Variants in RGS7 observed in about 807,000 individuals in gnomAD.
RGS7 encodes the protein regulator of G-protein signaling 7.
RGS7 carries 27 observed loss-of-function variants against 81.1 expected under a neutral mutation model. The observed-to-expected ratio is 0.33, with a 90% CI of 0.25 to 0.46. RGS7 has a LOEUF of 0.46. RGS7 is among the 20% of genes least tolerant of loss of function. The pLI, the probability that RGS7 is intolerant of heterozygous loss-of-function variation, is 1.00. For synonymous variants in RGS7, 208 were observed against 207.7 expected (o/e 1.00, Z -0.01); for missense variants, 396 against 607.4 (o/e 0.65, Z 3.66).
At chr1:241,126,243 G>C (rs905226198) in intron 2 of RGS7, among the ~76,000 whole-genome samples, 2 of 151,894 alleles carry the variant, frequency 1.3e-5, no homozygotes, top group African/African-American at 4.8e-5. Flanking sequence ...TCCGCCTCCC[G>C]GGTTCAAGGA....
intron 2 of RGS7, among the ~76,000 whole-genome samples, chr1:241,284,421 C>A (rs1318446877): frequency 1.3e-5 from 2 of 152,052 alleles, no homozygotes; most frequent in East Asian, 3.9e-4. Context: ...TTCTGGTTCC[C>A]TACCTGGTGT....
chr1:240,850,293 T>G (rs1314141633), intron 9 of RGS7, among the ~76,000 whole-genome samples: 1 of 152,212 alleles, frequency 6.6e-6, no homozygotes, highest in African/African-American at 2.4e-5. Flanking sequence ...CTTTGTATCC[T>G]TGAGTCAGAT....
At chr1:240,999,421 A>G (rs963051192) in intron 3 of RGS7, among the ~76,000 whole-genome samples, 1 of 152,110 alleles carries the variant, frequency 6.6e-6, no homozygotes. Context: ...AAGTTTACGA[A>G]TTGCTTTTGG....
At chr1:240,938,400 C>A (rs76046726) in intron 4 of RGS7, among the ~76,000 whole-genome samples, 2,682 of 152,318 alleles carry the variant, frequency 0.018, 27 homozygotes, top group Non-Finnish European at 0.028. Context: ...CAACATGGAT[C>A]TATCTATATC....
At chr1:240,806,877 G>C (rs1688946448) in intron 14 of RGS7, among the ~76,000 whole-genome samples, 1 of 152,146 alleles carries the variant, frequency 6.6e-6, no homozygotes, top group South Asian at 2.1e-4. Flanking sequence ...AAGAAGCTTT[G>C]CTGGAGTTAA....
At chr1:240,964,525 G>A (rs1681983252) in intron 4 of RGS7, among the ~76,000 whole-genome samples, 1 of 152,158 alleles carries the variant, frequency 6.6e-6, no homozygotes, top group South Asian at 2.1e-4. Context: ...GAGCATTTGT[G>A]AGTTGTAGTG....
intron 14 of RGS7, among the ~76,000 whole-genome samples, chr1:240,811,710 G>GTATCTCCA: frequency 6.6e-6 from 1 of 152,146 alleles, no homozygotes; most frequent in Non-Finnish European, 1.5e-5. Flanking sequence ...ATACAGAGAC[G>GTATCTCCA]GCGTAAAAAT....
intron 9 of RGS7, among the ~76,000 whole-genome samples, chr1:240,831,249 T>A (rs1693785735): frequency 6.6e-6 from 1 of 152,138 alleles, no homozygotes; most frequent in Non-Finnish European, 1.5e-5. Flanking sequence ...CTATGATATC[T>A]AAGTCAACTA....
chr1:241,305,604 A>C (rs960269156), intron 2 of RGS7: 19 of 149,942 alleles, frequency 1.3e-4, no homozygotes, highest in African/African-American at 4.5e-4. Context: ...TGCTTTCCTC[A>C]GGGCGGGGCC....
intron 3 of RGS7, among the ~76,000 whole-genome samples, chr1:240,989,840 T>C (rs1025227691): frequency 1.3e-5 from 2 of 152,118 alleles, no homozygotes; most frequent in Admixed American, 1.3e-4. Flanking sequence ...AAGAAGGAAT[T>C]TGCAAAAAGG....
chr1:241,167,721 T>C (rs1335623822), intron 2 of RGS7, among the ~76,000 whole-genome samples: 1 of 152,052 alleles, frequency 6.6e-6, no homozygotes, highest in Non-Finnish European at 1.5e-5. Flanking sequence ...GGTTTCATCA[T>C]GTTGGCCAGG....
At chr1:241,137,566 C>T (rs1202078556) in intron 2 of RGS7, among the ~76,000 whole-genome samples, 1 of 152,166 alleles carries the variant, frequency 6.6e-6, no homozygotes, top group Non-Finnish European at 1.5e-5. Context: ...CACAGGCCAA[C>T]TCAGGCTGTC....
chr1:240,870,139 T>C lies in RGS7; in HGVS notation c.386-20A>G. ...AAACGGCTGAAAAAAAAATCAATCA[T>C]TTCTTGCCTGCTTATCAACACCATG... On this transcript the variant is annotated intron_variant, in intron 6 of 18. Coordinates refer to ENST00000440928, the MANE Select transcript of RGS7 (RefSeq NM_001364886.1). 6.2e-7 allele frequency: 1 copy of C among 1,610,526 alleles called. No individual in the cohort carries two copies. Among genetic ancestry groups the C allele is most frequent in the Non-Finnish European group, 8.5e-7 (1 of 1,176,750 alleles).
At chr1:240,821,925 C>A (rs1691876393) in intron 10 of RGS7, among the ~76,000 whole-genome samples, 1 of 152,186 alleles carries the variant, frequency 6.6e-6, no homozygotes, top group South Asian at 2.1e-4. Context: ...TCATTTCCCT[C>A]AGGTTTTGTG....
At chr1:240,817,267 T>C (rs1355525862) in intron 10 of RGS7, among the ~76,000 whole-genome samples, 4 of 152,204 alleles carry the variant, frequency 2.6e-5, no homozygotes, top group Non-Finnish European at 5.9e-5. Flanking sequence ...ATAAAGAATT[T>C]AATGTGTGTT....
intron 3 of RGS7, 107 bp downstream of exon 3, chr1:241,098,559 A>C: frequency 1.3e-6 from 1 of 774,022 alleles, no homozygotes; most frequent in Non-Finnish European, 2.3e-6. Context: ...GTAGTTACTG[A>C]ATAATGGATT....
intron 17 of RGS7, 40 bp from the exon 18 acceptor site, chr1:240,800,761 A>G (rs1338437631): frequency 7.8e-7 from 1 of 1,283,422 alleles, no homozygotes; most frequent in Non-Finnish European, 1.1e-6. Context: ...GTTTGAGCTT[A>G]CACAATGTCA....
At chr1:241,099,271 TC>T (rs1254270912) in intron 2 of RGS7, among the ~76,000 whole-genome samples, 1 of 152,082 alleles carries the variant, frequency 6.6e-6, no homozygotes, top group African/African-American at 2.4e-5. Context: ...CTATTACATC[TC>T]TTGCCCGGGT....
intron 6 of RGS7, among the ~76,000 whole-genome samples, chr1:240,888,443 C>A (rs1317403574): frequency 1.3e-5 from 2 of 152,128 alleles, no homozygotes; most frequent in East Asian, 1.9e-4. Context: ...TGTGTGGATA[C>A]TGGATGTATT....
Sources: gnomAD v4.1 joint callset for allele counts (sites outside exome capture counted in the v4.1 genomes callset) on GRCh38, gnomAD v4.1.1 for gene constraint, MANE v1.5 for transcripts, NCBI Gene and HGNC (gene_info 2026-07-23, HGNC 2026-07-21) for gene names.